Variants in SLC19A1 observed in about 807,000 individuals in gnomAD.
SLC19A1 encodes reduced folate transporter.
A neutral mutation model predicts 35.3 loss-of-function variants in SLC19A1; 37 were observed. The observed-to-expected ratio is 1.05, with a 90% CI of 0.81 to 1.38. The LOEUF (loss-of-function observed/expected upper bound fraction) is 1.38. Among genes scored for constraint, SLC19A1 ranks in the 40% most tolerant of loss-of-function variants. The pLI, the probability that SLC19A1 is intolerant of heterozygous loss-of-function variation, is 0.00. For missense variants in SLC19A1, 831 were observed against 826.9 expected, an observed-to-expected ratio of 1.00 and a Z score of -0.06; for synonymous variants, 460 against 398.5, an observed-to-expected ratio of 1.15 and a Z score of -1.84.
intron 5 of SLC19A1, among the ~76,000 whole-genome samples, chr21:45,516,457 C>G (rs2037948268): frequency 6.6e-6 from 1 of 152,110 alleles, no homozygotes; most frequent in Non-Finnish European, 1.5e-5. Context: ...GTGCTTGCTG[C>G]CCCCCCATGG....
upstream of SLC19A1, among the ~76,000 whole-genome samples, chr21:45,542,793 C>G (rs1301794031): frequency 6.6e-6 from 1 of 151,572 alleles, no homozygotes; most frequent in Non-Finnish European, 1.5e-5. Flanking sequence ...GCGTTCTTCC[C>G]ACCCCCGGTC....
chr21:45,515,275 C>T lies in SLC19A1; in HGVS notation c.*383G>A. The T allele has an allele frequency of 1.3e-6, 2 of 1,487,268 alleles. No individual in the cohort carries two copies. The highest frequency in any genetic ancestry group is 8.8e-7 in the Non-Finnish European group (1 of 1,132,468). 92.1% of individuals were successfully genotyped at this position (1,487,268 alleles called of 1,614,324 possible). A position where few individuals can be genotyped will look rare whatever the true frequency, so the allele number is the denominator to read the frequency against. On this transcript the variant is annotated 3_prime_UTR_variant, in exon 6 of 6. Coordinates refer to ENST00000311124, the MANE Select transcript of SLC19A1 (RefSeq NM_194255.4). ...CTCCCACCCTGCCCTAGAGGGCTCA[C>T]AACTCCTGTGGGGCCAGTGTCCCCT...
intron 3 of SLC19A1, among the ~76,000 whole-genome samples, chr21:45,503,543 A>C (rs1297714328): frequency 6.7e-6 from 1 of 150,298 alleles, no homozygotes; most frequent in South Asian, 2.1e-4. Flanking sequence ...AGAACAAAAA[A>C]CCAAACACCG....
rs2146392437 is a variant in SLC19A1 at position 45,534,476 on chromosome 21, T to C, written c.190-2328A>G. On this transcript the variant is annotated intron_variant, in intron 2 of 5. Transcript: ENST00000311124. This position sits in a 1 kb window ranked among gnomAD's most constrained non-coding sequence, Gnocchi z 4.2. ...AATGGTAGACAGCCAGCAGAGAGGC[T>C]CTCCCCAGACCCCACGGCTCTCTGG... 7.8e-7 allele frequency: 1 copy of C among 1,289,636 alleles called. No homozygotes were observed. Among genetic ancestry groups the C allele is most frequent in the Non-Finnish European group, 1.1e-6 (1 of 924,766 alleles). The allele number at this position is 1,289,636 out of a possible 1,614,324, so 79.9% of individuals were successfully genotyped here. A position where few individuals can be genotyped will look rare whatever the true frequency, so the allele number is the denominator to read the frequency against.
chr21:45,537,174 G>A (rs1223714777), intron 2 of SLC19A1, among the ~76,000 whole-genome samples: 1 of 152,192 alleles, frequency 6.6e-6, no homozygotes, highest in African/African-American at 2.4e-5. Flanking sequence ...GGCGGGTGGG[G>A]TGGGGCAGGC....
chr21:45,510,276 T>G, downstream of SLC19A1: 1 of 1,591,154 alleles, frequency 6.3e-7, no homozygotes, highest in Non-Finnish European at 8.5e-7. Context: ...GTCAGTCCAG[T>G]CCTGAGGGCG....
At position 45,512,724 on chromosome 21, in the gene SLC19A1, T is replaced by C. The variant is rs2037684468; in HGVS notation, c.*2934A>G. On this transcript the variant is annotated 3_prime_UTR_variant, in exon 6 of 6. Transcript: ENST00000311124. ...ACCACGGCTCGATTTCTCCAGGATT[T>C]CCTGCTTTGGGAAGCCGTGCTCGCC... 2.4e-6 allele frequency: 1 copy of C among 424,444 alleles called. No individual in the cohort carries two copies. 26.3% of individuals were successfully genotyped at this position (424,444 alleles called of 1,614,324 possible).
At chr21:45,509,298 G>A (rs1300865278), downstream of SLC19A1, 57 of 1,533,816 alleles carry the variant, frequency 3.7e-5, no homozygotes, top group Non-Finnish European at 4.8e-5. Flanking sequence ...GGACACAGAT[G>A]GAGGAGGGGC....
chr21:45,540,259 TTA>T lies in SLC19A1; in HGVS notation c.-50+2107_-50+2108del, dbSNP rs1435828957. On this transcript the variant is annotated intron_variant, in intron 1 of 5. Transcript: ENST00000311124. The surrounding 1 kb of genome is among the most constrained non-coding windows in gnomAD (Gnocchi z 5.5). The stretch of plus-strand genomic sequence containing the variant: ...TTCACTTTCCCACCTGTCAGCAGGT[TTA>T]GACAGGCGCACCGATCCCCAGACAA... Among the ~76,000 whole-genome samples, 1 of 152,122 alleles carries T rather than the reference TTA, an allele frequency of 6.6e-6. No homozygotes were observed. Among genetic ancestry groups the T allele is most frequent in the Non-Finnish European group, 1.5e-5 (1 of 68,016 alleles).
Position 45,512,854 on chromosome 21 carries a change from A to G in SLC19A1, c.*2804T>C, listed in dbSNP as rs1184107289. 1.1e-5 allele frequency: 3 copies of G among 269,924 alleles called. No homozygotes were observed. The highest frequency in any genetic ancestry group is 1.0e-4 in the East Asian group (1 of 9,694). 16.7% of individuals were successfully genotyped at this position (269,924 alleles called of 1,614,324 possible). ...GTGAGGCAATGGGAGCTGAGGCCAC[A>G]CTCAGCACAAGGCCATCTGGGCTCC... On this transcript the variant is annotated 3_prime_UTR_variant, in exon 6 of 6. Transcript: ENST00000311124.
chr21:45,526,835 G>A (rs757911595), intron 4 of SLC19A1, among the ~76,000 whole-genome samples: 1 of 152,248 alleles, frequency 6.6e-6, no homozygotes, highest in African/African-American at 2.4e-5. Context: ...GCCTCCCAAA[G>A]TGCTGGGATC....
At chr21:45,504,749 A>AC (rs1024922113) in intron 3 of SLC19A1, among the ~76,000 whole-genome samples, 1 of 150,824 alleles carries the variant, frequency 6.6e-6, no homozygotes, top group Non-Finnish European at 1.5e-5. Flanking sequence ...GACCCCGGAC[A>AC]CCCCCCGTCC....
chr21:45,505,581 C>A, intron 3 of SLC19A1: 1 of 679,584 alleles, frequency 1.5e-6, no homozygotes, highest in Non-Finnish European at 2.6e-6. Context: ...CGGGGCCAGG[C>A]CATGGGGGAA....
At chr21:45,538,237 C>T (rs1204917939) in intron 1 of SLC19A1, among the ~76,000 whole-genome samples, 1 of 152,216 alleles carries the variant, frequency 6.6e-6, no homozygotes, top group East Asian at 1.9e-4. Flanking sequence ...TCCAGGGTCT[C>T]CGAGGCTGAG....
At chr21:45,538,511 G>A (rs990042067) in intron 1 of SLC19A1, among the ~76,000 whole-genome samples, 8 of 152,306 alleles carry the variant, frequency 5.3e-5, no homozygotes, top group South Asian at 2.1e-4. Flanking sequence ...GCTGGAGGCC[G>A]GGGTCACACC....
intron 2 of SLC19A1, among the ~76,000 whole-genome samples, chr21:45,536,771 C>T (rs79819531): frequency 0.01 from 1,555 of 152,248 alleles, 18 homozygotes; most frequent in African/African-American, 0.032. Context: ...GAGCAGAGGA[C>T]GGGGTCAGCG....
downstream of SLC19A1, chr21:45,509,487 C>A: frequency 6.6e-7 from 1 of 1,526,582 alleles, no homozygotes; most frequent in Non-Finnish European, 8.8e-7. Flanking sequence ...GCCCCCCTCG[C>A]CTGCCCGAGC....
intron 4 of SLC19A1, 57 bp from the exon 5 acceptor site, chr21:45,526,015 G>T: frequency 6.3e-7 from 1 of 1,586,380 alleles, no homozygotes; most frequent in South Asian, 1.1e-5. Flanking sequence ...AGCAGCCACA[G>T]GGAAAAGCCT....
At chr21:45,536,910 C>G (rs2078131102) in intron 2 of SLC19A1, among the ~76,000 whole-genome samples, 1 of 152,124 alleles carries the variant, frequency 6.6e-6, no homozygotes, top group Non-Finnish European at 1.5e-5. Context: ...GACAAGGACC[C>G]CACAGCTCCA....
Sources: allele counts gnomAD v4.1 joint callset (sites outside exome capture counted in the v4.1 genomes callset), GRCh38; gene constraint gnomAD v4.1.1; non-coding constraint Gnocchi (gnomAD v3.1); transcripts MANE v1.5; gene names NCBI Gene and HGNC (gene_info 2026-07-23, HGNC 2026-07-21).